FOXN2: variants seen among roughly 807,000 people sequenced by gnomAD.
The protein encoded by FOXN2 is forkhead box N2.
A neutral mutation model predicts 41.2 loss-of-function variants in FOXN2; 19 were observed. That is an observed-to-expected ratio of 0.46 (90% CI 0.32 to 0.68). The LOEUF (loss-of-function observed/expected upper bound fraction) is 0.68. FOXN2 is among the 30% of genes least tolerant of loss of function. FOXN2 has a pLI of 0.03. For missense variants in FOXN2, 587 were observed against 509.4 expected (o/e 1.15, Z -1.47); for synonymous variants, 195 against 176.8 (o/e 1.10, Z -0.82).
chr2:48,322,677 G>A (rs1447749874), intron 1 of FOXN2, among the ~76,000 whole-genome samples: 1 of 149,476 alleles, frequency 6.7e-6, no homozygotes, highest in African/African-American at 2.5e-5. Flanking sequence ...TCTTTCTTGA[G>A]CTCTATCACC....
At chr2:48,364,318 C>A (rs182478879) in intron 5 of FOXN2, among the ~76,000 whole-genome samples, 2 of 152,234 alleles carry the variant, frequency 1.3e-5, no homozygotes, top group African/African-American at 4.8e-5. Flanking sequence ...GCCTCACAAT[C>A]CTGGGCTTAA....
intron 1 of FOXN2, among the ~76,000 whole-genome samples, chr2:48,319,280 G>C (rs1669133321): frequency 6.6e-6 from 1 of 152,000 alleles, no homozygotes; most frequent in Non-Finnish European, 1.5e-5. Context: ...TGAGACTGAG[G>C]AGATAAAAAA....
At chr2:48,313,862 T>A (rs1048909489), upstream of FOXN2, among the ~76,000 whole-genome samples, 7 of 151,576 alleles carry the variant, frequency 4.6e-5, 1 homozygote, top group Admixed American at 1.3e-4. Context: ...CTTATATTTT[T>A]AAAAAAAATC....
intron 1 of FOXN2, among the ~76,000 whole-genome samples, chr2:48,326,695 T>C (rs2104167152): frequency 6.6e-6 from 1 of 152,354 alleles, no homozygotes; most frequent in African/African-American, 2.4e-5. Flanking sequence ...ATTCCACACC[T>C]GACCTAATGT....
chr2:48,374,615 C>T (rs1454055139), intron 6 of FOXN2, among the ~76,000 whole-genome samples: 1 of 152,072 alleles, frequency 6.6e-6, no homozygotes. Context: ...AAATTGGAAA[C>T]AGCCTAAATA....
chr2:48,375,631 A>G lies in FOXN2; in HGVS notation c.*188A>G, dbSNP rs1572788848. ...CTGTTAGGATCATGCCTGATCAGAA[A>G]TACATGATGTGAAGTCCTAAAAGCA... On this transcript the variant is annotated 3_prime_UTR_variant, in exon 7 of 7. Transcript: ENST00000340553. 7.3e-6 allele frequency: 4 copies of G among 549,522 alleles called. No homozygotes were observed. Among genetic ancestry groups the G allele is most frequent in the Non-Finnish European group, 9.4e-6 (3 of 317,720 alleles). 34.0% of individuals were successfully genotyped at this position (549,522 alleles called of 1,614,324 possible).
intron 5 of FOXN2, among the ~76,000 whole-genome samples, chr2:48,371,538 T>C (rs7579932): frequency 0.44 from 66,131 of 152,010 alleles, 14,532 homozygotes; most frequent in Non-Finnish European, 0.48. Context: ...GAGGTCTGTT[T>C]GTATTTTGCC....
At chr2:48,360,166 T>A (rs1672077898) in intron 4 of FOXN2, among the ~76,000 whole-genome samples, 1 of 152,162 alleles carries the variant, frequency 6.6e-6, no homozygotes, top group Non-Finnish European at 1.5e-5. Context: ...GAAAATAATA[T>A]GACCTTCTTA....
intron 1 of FOXN2, among the ~76,000 whole-genome samples, chr2:48,319,260 G>GA (rs61641736): frequency 0.23 from 33,993 of 149,172 alleles, 4,114 homozygotes; most frequent in South Asian, 0.39. Context: ...CATATTTATG[G>GA]AAAAAAAAAT....
intron 2 of FOXN2, among the ~76,000 whole-genome samples, chr2:48,329,479 A>G (rs1274700474): frequency 6.6e-6 from 1 of 152,112 alleles, no homozygotes; most frequent in Non-Finnish European, 1.5e-5. Context: ...TCCATGAGAC[A>G]GATCTTTGAC....
intron 3 of FOXN2, among the ~76,000 whole-genome samples, chr2:48,356,137 A>C (rs1357475916): frequency 1.3e-5 from 2 of 152,026 alleles, no homozygotes; most frequent in Non-Finnish European, 2.9e-5. Context: ...TTTAAAAAAT[A>C]AATAAAAATA....
At chr2:48,364,768 C>A (rs1672422569) in intron 5 of FOXN2, among the ~76,000 whole-genome samples, 1 of 152,170 alleles carries the variant, frequency 6.6e-6, no homozygotes, top group African/African-American at 2.4e-5. Flanking sequence ...AAAACAAAAT[C>A]AAATAACAAT....
intron 3 of FOXN2, among the ~76,000 whole-genome samples, chr2:48,348,651 G>T (rs1671262669): frequency 6.6e-6 from 1 of 152,176 alleles, no homozygotes; most frequent in Admixed American, 6.5e-5. Context: ...AACAGGTATT[G>T]GTCAGTCTAG....
At chr2:48,340,300 T>A (rs1670660411) in intron 2 of FOXN2, among the ~76,000 whole-genome samples, 11 of 152,240 alleles carry the variant, frequency 7.2e-5, no homozygotes, top group Admixed American at 7.2e-4. Flanking sequence ...GTTTCCCTTT[T>A]CTTATGTAGT....
chr2:48,326,928 G>T (rs1669715774), intron 1 of FOXN2, among the ~76,000 whole-genome samples: 1 of 152,138 alleles, frequency 6.6e-6, no homozygotes, highest in Admixed American at 6.5e-5. Flanking sequence ...CTGGTCTCAA[G>T]AATTTTGGAT....
chr2:48,374,167 T>C (rs1371960743), intron 6 of FOXN2, among the ~76,000 whole-genome samples: 1 of 151,696 alleles, frequency 6.6e-6, no homozygotes, highest in Non-Finnish European at 1.5e-5. Flanking sequence ...AGGATTAGTA[T>C]CAAGTATATA....
chr2:48,316,604 C>T (rs1049430833), intron 1 of FOXN2, among the ~76,000 whole-genome samples: 4 of 151,692 alleles, frequency 2.6e-5, no homozygotes, highest in African/African-American at 9.7e-5. Flanking sequence ...TTAATATGAA[C>T]GTTAACATGA....
chr2:48,347,784 T>C (rs542379576), intron 3 of FOXN2, among the ~76,000 whole-genome samples: 5 of 152,322 alleles, frequency 3.3e-5, no homozygotes, highest in African/African-American at 1.2e-4. Flanking sequence ...TTCTCATTAT[T>C]CAGTTTTGCT....
At chr2:48,342,088 T>G (rs138354208) in intron 2 of FOXN2, among the ~76,000 whole-genome samples, 25 of 152,246 alleles carry the variant, frequency 1.6e-4, no homozygotes, top group African/African-American at 5.8e-4. Flanking sequence ...TTTTAAACTA[T>G]AAAAATAATA....
Sources: gnomAD v4.1 joint callset for allele counts (sites outside exome capture counted in the v4.1 genomes callset) on GRCh38, gnomAD v4.1.1 for gene constraint, MANE v1.5 for transcripts, NCBI Gene and HGNC (gene_info 2026-07-23, HGNC 2026-07-21) for gene names.